The following ZFYVE9 variants were observed in gnomAD, a reference collection of about 807,000 sequenced individuals.
ZFYVE9 encodes the protein zinc finger FYVE-type containing 9, also known as zinc finger FYVE domain-containing protein 9.
A neutral mutation model predicts 126.7 loss-of-function variants in ZFYVE9; 43 were observed. The observed-to-expected ratio is 0.34, with a 90% CI of 0.27 to 0.44. The LOEUF is 0.44. Ranked by LOEUF, ZFYVE9 falls within the 20% of genes least tolerant of loss-of-function variation. The probability of loss-of-function intolerance (pLI) is 1.00; values close to 1 mark genes in which losing one functional copy is unlikely to be tolerated. For synonymous variants in ZFYVE9, 521 were observed against 597.4 expected, an observed-to-expected ratio of 0.87 and a Z score of 1.87; for missense variants, 1,476 against 1,697.0, an observed-to-expected ratio of 0.87 and a Z score of 2.29.
chr1:52,162,274 A>C, intron 1 of ZFYVE9: 1 of 342,774 alleles, frequency 2.9e-6, no homozygotes, highest in Admixed American at 3.0e-5. Flanking sequence ...ACCGGTAATC[A>C]TAGTCTTCAT....
intron 7 of ZFYVE9, among the ~76,000 whole-genome samples, chr1:52,271,969 A>G (rs1645697160): frequency 6.6e-6 from 1 of 151,868 alleles, no homozygotes; most frequent in Non-Finnish European, 1.5e-5. Context: ...CCTCCTGGGT[A>G]GCTGGGATTA....
chr1:52,272,340 A>C (rs572740181), intron 7 of ZFYVE9, among the ~76,000 whole-genome samples: 1 of 152,118 alleles, frequency 6.6e-6, no homozygotes, highest in Non-Finnish European at 1.5e-5. Context: ...CATCTCCAGC[A>C]CTCCATAAGG....
At chr1:52,167,794 C>G (rs544838855) in intron 1 of ZFYVE9, among the ~76,000 whole-genome samples, 105 of 152,224 alleles carry the variant, frequency 6.9e-4, no homozygotes, top group Non-Finnish European at 9.9e-4. Context: ...TTCAAGAGAG[C>G]CTTCATGATA....
intron 1 of ZFYVE9, among the ~76,000 whole-genome samples, chr1:52,183,431 CAT>C (rs1189606859): frequency 1.3e-5 from 2 of 152,136 alleles, no homozygotes; most frequent in African/African-American, 4.8e-5. Flanking sequence ...CTTTATTAAA[CAT>C]ATGAGGAAAT....
chr1:52,178,584 C>A (rs990007899), intron 1 of ZFYVE9, among the ~76,000 whole-genome samples: 1 of 152,048 alleles, frequency 6.6e-6, no homozygotes, highest in Non-Finnish European at 1.5e-5. Context: ...CTGCCTCGGC[C>A]TACCAAAGTG....
chr1:52,292,333 A>T (rs1165998075), intron 10 of ZFYVE9, among the ~76,000 whole-genome samples: 1 of 151,340 alleles, frequency 6.6e-6, no homozygotes, highest in East Asian at 1.9e-4. Context: ...CTGTGGTACC[A>T]TCTTCATAAA....
At chr1:52,252,673 C>A in intron 4 of ZFYVE9, 1 of 357,048 alleles carries the variant, frequency 2.8e-6, no homozygotes, top group Non-Finnish European at 5.8e-6. Flanking sequence ...ATTTGTTTTA[C>A]TTGAGGTTCC....
intron 18 of ZFYVE9, chr1:52,345,606 G>A (rs1646476168): frequency 6.5e-6 from 1 of 155,008 alleles, no homozygotes; most frequent in South Asian, 2.0e-4. Context: ...CCTCTTGAGG[G>A]CAGGGCCCTG....
intron 2 of ZFYVE9, among the ~76,000 whole-genome samples, chr1:52,220,414 C>G (rs1314294778): frequency 1.3e-5 from 2 of 152,142 alleles, no homozygotes; most frequent in African/African-American, 4.8e-5. Context: ...TGGCTTCTAC[C>G]CAGTGGGTGA....
chr1:52,310,582 A>G (rs1333332821), intron 13 of ZFYVE9, among the ~76,000 whole-genome samples: 2 of 152,176 alleles, frequency 1.3e-5, no homozygotes, highest in African/African-American at 2.4e-5. Flanking sequence ...TAACTTGCCC[A>G]TGATCGTACA....
intron 8 of ZFYVE9, among the ~76,000 whole-genome samples, chr1:52,276,225 C>T (rs902075759): frequency 6.6e-6 from 1 of 152,080 alleles, no homozygotes; most frequent in Non-Finnish European, 1.5e-5. Context: ...TTCTTATAAC[C>T]TTATCTCAGC....
chr1:52,203,263 C>T (rs1294446050), intron 1 of ZFYVE9, among the ~76,000 whole-genome samples: 1 of 151,988 alleles, frequency 6.6e-6, no homozygotes, highest in African/African-American at 2.4e-5. Flanking sequence ...TTAACCTCAA[C>T]CTCCACCTCC....
chr1:52,158,702 CAA>C (rs1644426448), intron 1 of ZFYVE9, among the ~76,000 whole-genome samples: 1 of 152,128 alleles, frequency 6.6e-6, no homozygotes, highest in Non-Finnish European at 1.5e-5. Flanking sequence ...TGTGAGCTAC[CAA>C]AGAGCCCTCT....
At chr1:52,235,675 TA>T (rs777440338) in intron 3 of ZFYVE9, among the ~76,000 whole-genome samples, 1 of 152,190 alleles carries the variant, frequency 6.6e-6, no homozygotes, top group Non-Finnish European at 1.5e-5. Context: ...CTGATTTACT[TA>T]TTGCTTCCTT....
At position 52,281,704 on chromosome 1, in the gene ZFYVE9, T is replaced by C; in HGVS notation, c.2913T>C (p.His971=). The change falls in exon 10 of 19, where the codon CAT becomes CAC. Residue 971 remains histidine (H), a synonymous_variant. Coordinates refer to ENST00000287727, the MANE Select transcript of ZFYVE9 (RefSeq NM_004799.4). ...GGTGTTTCACAACCAAGGGAATGCATGCAGTGGGTCAGTCTGAGATAGTCA... is the reference window on the plus strand; with the variant it reads ...GGTGTTTCACAACCAAGGGAATGCACGCAGTGGGTCAGTCTGAGATAGTCA... The part of the protein sequence containing the change: ...KCWCFTTKGM[H]AVGQSEIVIL... The C allele has an allele frequency of 6.2e-7, 1 of 1,614,180 alleles. No homozygotes were observed. Among genetic ancestry groups the C allele is most frequent in the Non-Finnish European group, 8.5e-7 (1 of 1,180,018 alleles).
chr1:52,197,160 G>A lies in ZFYVE9; in HGVS notation c.-142-19209G>A, dbSNP rs550739130. On this transcript the variant is annotated intron_variant, in intron 1 of 18. Coordinates refer to ENST00000287727, the MANE Select transcript of ZFYVE9 (RefSeq NM_004799.4). Reference sequence around the variant, plus strand: ...GATGTGAGATAATAGTAGCTTGGATGAAGGTAGTAGTTGTAGACAGAAAAG... The same window carrying A: ...GATGTGAGATAATAGTAGCTTGGATAAAGGTAGTAGTTGTAGACAGAAAAG... Among the ~76,000 whole-genome samples, 6 of 152,284 alleles carry A rather than the reference G, an allele frequency of 3.9e-5. No individual in the cohort carries two copies. The East Asian group carries it at 1.2e-3, about 29-fold the overall frequency.
rs1335514795 is a variant in ZFYVE9, at chr1:52,157,146, A to G, written c.-143+14743A>G. 2.6e-5 allele frequency among the ~76,000 whole-genome samples: 4 copies of G among 152,124 alleles called. No homozygotes were observed. In the South Asian group the frequency reaches 8.3e-4, roughly 32 times the overall value. ...CGCACCCGGCCTCCTTCCCCACTTT[A>G]TAGTTGCCTGAGTAAATGGCCATAG... is the stretch of plus-strand genomic sequence containing the variant. On this transcript the variant is annotated intron_variant, in intron 1 of 18. Transcript: ENST00000287727.
intron 16 of ZFYVE9, among the ~76,000 whole-genome samples, chr1:52,339,818 G>T (rs1256145128): frequency 6.6e-6 from 1 of 152,178 alleles, no homozygotes; most frequent in Non-Finnish European, 1.5e-5. Flanking sequence ...TGAAAGAAGG[G>T]ATACTGGAAG....
chr1:52,346,194 C>G lies in ZFYVE9; in HGVS notation c.4251C>G (p.Ile1417Met), dbSNP rs182715743. 7 of 1,604,728 alleles carry G rather than the reference C, an allele frequency of 4.4e-6. No individual in the cohort carries two copies. In the East Asian group the frequency reaches 6.7e-5, roughly 15 times the overall value. ...LSEGPVVMEL[I>M]FYILENIV ...AGGGCCCCGTTGTCATGGAACTCAT[C>G]TTTTATATTCTGGAAAACATCGTAT... The change falls in exon 19 of 19, where the codon ATC becomes ATG. Residue 1417 changes from isoleucine to methionine, a missense_variant. Ile to Met is a conservative substitution (Grantham distance 10, BLOSUM62 1). Coordinates refer to ENST00000287727, the MANE Select transcript of ZFYVE9 (RefSeq NM_004799.4).
Sources: gnomAD v4.1 joint callset for allele counts (sites outside exome capture counted in the v4.1 genomes callset) on GRCh38, gnomAD v4.1.1 for gene constraint, MANE v1.5 for transcripts, NCBI Gene and HGNC (gene_info 2026-07-23, HGNC 2026-07-21) for gene names.